Variants in TTC28 observed in about 807,000 individuals in gnomAD.
TTC28 encodes the protein tetratricopeptide repeat protein 28.
A neutral mutation model predicts 198.0 loss-of-function variants in TTC28; 61 were observed. That is an observed-to-expected ratio of 0.31 (90% CI 0.25 to 0.38). The LOEUF (loss-of-function observed/expected upper bound fraction) is 0.38, where lower values mean the gene tolerates loss of function less well. Ranked by LOEUF, TTC28 falls within the 10% of genes least tolerant of loss-of-function variation. The pLI is 1.00. For missense variants in TTC28, 2,678 were observed against 3,164.0 expected, an observed-to-expected ratio of 0.85 and a Z score of 3.69; for synonymous variants, 1,171 against 1,297.8, an observed-to-expected ratio of 0.90 and a Z score of 2.10.
At chr22:28,115,518 A>G (rs1302806503) in intron 6 of TTC28, among the ~76,000 whole-genome samples, 1 of 152,244 alleles carries the variant, frequency 6.6e-6, no homozygotes, top group Admixed American at 6.5e-5. Flanking sequence ...GAACAGATTG[A>G]TGGCCTGGCT....
intron 2 of TTC28, among the ~76,000 whole-genome samples, chr22:28,351,610 C>G (rs73168160): frequency 6.6e-6 from 1 of 152,120 alleles, no homozygotes; most frequent in African/African-American, 2.4e-5. Flanking sequence ...ATGGGGCCAG[C>G]AGATGTTCAT....
intron 2 of TTC28, among the ~76,000 whole-genome samples, chr22:28,431,717 C>T (rs1165368571): frequency 6.6e-6 from 1 of 152,210 alleles, no homozygotes; most frequent in African/African-American, 2.4e-5. Context: ...GTGCCGCACG[C>T]CTGTAATCCC....
chr22:28,261,101 G>A (rs1931289224), intron 5 of TTC28, among the ~76,000 whole-genome samples: 2 of 152,058 alleles, frequency 1.3e-5, no homozygotes, highest in African/African-American at 4.8e-5. Flanking sequence ...CTAGCCTTAG[G>A]TGTATCACCC....
At position 27,998,634 on chromosome 22, in the gene TTC28, G is replaced by A; in HGVS notation, c.5025C>T (p.Ser1675=). ...SKMFIHAFYS[S]LLNGLKASAA... ...CGCTGGCTTTCAGGCCGTTCAGCAG[G>A]GATGAGTAGAAGGCATGGATGAACA... Residue 1675 remains serine (S), a synonymous_variant, in exon 16 of 23, where the codon TCC becomes TCT. Transcript: ENST00000397906. The A allele has an allele frequency of 6.4e-7, 1 of 1,550,858 alleles. No homozygotes were observed. Among genetic ancestry groups the A allele is most frequent in the Non-Finnish European group, 8.7e-7 (1 of 1,147,004 alleles).
At chr22:28,317,683 C>G (rs573609271) in intron 2 of TTC28, among the ~76,000 whole-genome samples, 1 of 152,192 alleles carries the variant, frequency 6.6e-6, no homozygotes, top group Non-Finnish European at 1.5e-5. Flanking sequence ...CACTTTCCAG[C>G]TCTCTGACTG....
rs540487204 is a variant in TTC28 at position 27,986,766 on chromosome 22, T to TATCA, written c.5708-1414_5708-1411dup. Among the ~76,000 whole-genome samples the TATCA allele has an allele frequency of 2.6e-3, 400 of 152,346 alleles. 2 individuals are homozygous for TATCA. The highest frequency in any genetic ancestry group is 0.017 in the Middle Eastern group (5 of 294). ...GACTTGTATTCGGGGATCTGGAGAC[T>TATCA]ATCATTCCCTTAGGAATTAGGTTCA... On this transcript the variant is annotated intron_variant, in intron 21 of 22. Transcript: ENST00000397906.
At chr22:28,625,639 T>C (rs2051066614) in intron 2 of TTC28, among the ~76,000 whole-genome samples, 1 of 152,130 alleles carries the variant, frequency 6.6e-6, no homozygotes. Context: ...TCTAATTCAG[T>C]GTAAGCCCAT....
intron 5 of TTC28, among the ~76,000 whole-genome samples, chr22:28,276,592 T>A (rs2044477657): frequency 6.6e-6 from 1 of 152,202 alleles, no homozygotes; most frequent in Non-Finnish European, 1.5e-5. Context: ...AGATTAGGGA[T>A]GATAGTCATG....
intron 2 of TTC28, among the ~76,000 whole-genome samples, chr22:28,500,470 A>C (rs1455327423): frequency 6.6e-6 from 1 of 152,198 alleles, no homozygotes; most frequent in East Asian, 1.9e-4. Context: ...TGTTGAGTAC[A>C]TGTAATAATC....
At chr22:28,216,982 G>A (rs1206487413) in intron 5 of TTC28, among the ~76,000 whole-genome samples, 1 of 152,066 alleles carries the variant, frequency 6.6e-6, no homozygotes, top group African/African-American at 2.4e-5. Context: ...CTCCCAAAGT[G>A]CTGGGATCAC....
chr22:28,188,500 A>G (rs1924414124), intron 5 of TTC28, among the ~76,000 whole-genome samples: 1 of 152,218 alleles, frequency 6.6e-6, no homozygotes, highest in Non-Finnish European at 1.5e-5. Flanking sequence ...AAACTTATAT[A>G]AAAAGCAACT....
chr22:28,360,236 A>G (rs1455207799), intron 2 of TTC28, among the ~76,000 whole-genome samples: 2 of 152,174 alleles, frequency 1.3e-5, no homozygotes, highest in Non-Finnish European at 2.9e-5. Context: ...AACAGATTAA[A>G]AAGGGCCTGC....
At chr22:28,217,257 CT>C (rs1302289658) in intron 5 of TTC28, among the ~76,000 whole-genome samples, 1 of 151,536 alleles carries the variant, frequency 6.6e-6, no homozygotes, top group Non-Finnish European at 1.5e-5. Context: ...TATATACCTA[CT>C]ATGCACATGC....
At chr22:28,597,148 GC>G (rs1369260040) in intron 2 of TTC28, among the ~76,000 whole-genome samples, 1 of 152,022 alleles carries the variant, frequency 6.6e-6, no homozygotes, top group African/African-American at 2.4e-5. Context: ...ATTAGTTTGT[GC>G]ATTTTTTGTC....
At position 28,325,192 on chromosome 22, in the gene TTC28, G is replaced by A. The variant is rs533171802; in HGVS notation, c.382-18549C>T. On this transcript the variant is annotated intron_variant, in intron 2 of 22. Coordinates refer to ENST00000397906, the MANE Select transcript of TTC28 (RefSeq NM_001145418.2). ...TATTCAGGGATTCAACTTCTTCCTG[G>A]TTTAGTCTTGGGAGGGTGTATGTGT... Among the ~76,000 whole-genome samples the A allele has an allele frequency of 7.9e-5, 12 of 151,980 alleles. 1 individual carries two copies. The South Asian group carries it at 2.5e-3, about 32-fold the overall frequency.
intron 2 of TTC28, among the ~76,000 whole-genome samples, chr22:28,499,977 T>C (rs13055576): frequency 0.038 from 5,744 of 152,238 alleles, 143 homozygotes; most frequent in African/African-American, 0.057. Flanking sequence ...TGAAATTATA[T>C]ATTACTGTTA....
chr22:28,605,821 A>G (rs1241987843), intron 2 of TTC28, among the ~76,000 whole-genome samples: 2 of 152,256 alleles, frequency 1.3e-5, no homozygotes, highest in African/African-American at 2.4e-5. Context: ...ATCCCTTTTT[A>G]GGAAGATGTT....
At chr22:28,364,148 C>T (rs547363530) in intron 2 of TTC28, among the ~76,000 whole-genome samples, 2 of 152,220 alleles carry the variant, frequency 1.3e-5, no homozygotes, top group East Asian at 1.9e-4. Context: ...GTTGTGGGAG[C>T]GACCCAGTGG....
At chr22:28,189,153 T>A (rs1924483130) in intron 5 of TTC28, among the ~76,000 whole-genome samples, 2 of 151,890 alleles carry the variant, frequency 1.3e-5, no homozygotes, top group Non-Finnish European at 2.9e-5. Flanking sequence ...TTCAAGACCA[T>A]CCTGGGCAAC....
Sources: gnomAD v4.1 joint callset for allele counts (sites outside exome capture counted in the v4.1 genomes callset) on GRCh38, gnomAD v4.1.1 for gene constraint, MANE v1.5 for transcripts, NCBI Gene and HGNC (gene_info 2026-07-23, HGNC 2026-07-21) for gene names.